Variants in ATPAF1 observed in about 807,000 individuals in gnomAD.
ATPAF1 encodes the protein ATP synthase mitochondrial F1 complex assembly factor 1, also known as homolog of yeast ATP11.
Under a neutral mutation model 43.9 loss-of-function variants are expected in ATPAF1, and 26 were observed. The observed-to-expected ratio is 0.59, with a 90% CI of 0.43 to 0.82. The LOEUF (loss-of-function observed/expected upper bound fraction) is 0.82. Among genes scored for constraint, ATPAF1 ranks in the 40% least tolerant of loss-of-function variants. The probability of loss-of-function intolerance (pLI) is 0.00; values close to 1 mark genes in which losing one functional copy is unlikely to be tolerated. For missense variants in ATPAF1, 366 were observed against 435.0 expected (o/e 0.84, Z 1.41); for synonymous variants, 157 against 168.0 (o/e 0.93, Z 0.50).
At chr1:46,667,045 A>C (rs1427983233) in intron 1 of ATPAF1, among the ~76,000 whole-genome samples, 8 of 152,194 alleles carry the variant, frequency 5.3e-5, no homozygotes, top group Non-Finnish European at 1.2e-4. Context: ...AGACTATCTC[A>C]ATGCTGCTGG....
In ATPAF1 at chr1:46,659,363, C is replaced by T. The variant is rs571880170; in HGVS notation, c.376-626G>A. Among the ~76,000 whole-genome samples, 3 of 143,192 alleles carry T rather than the reference C, an allele frequency of 2.1e-5. No homozygotes were observed. The South Asian group carries it at 6.5e-4, about 31-fold the overall frequency. The allele number at this position is 143,192 out of a possible 152,430, so 93.9% of individuals were successfully genotyped here. A position where few individuals can be genotyped will look rare whatever the true frequency, so the allele number is the denominator to read the frequency against. On this transcript the variant is annotated intron_variant, in intron 2 of 8. Transcript: ENST00000574428. ...CTGCCACTGTGGATATGAGGGATTT[C>T]TTCCCAGAATTAGGCCTGCTTGGGA...
intron 6 of ATPAF1, among the ~76,000 whole-genome samples, chr1:46,649,894 C>T (rs1307343369): frequency 6.6e-6 from 1 of 152,076 alleles, no homozygotes; most frequent in East Asian, 1.9e-4. Context: ...CCACTGCACT[C>T]CAGCCTGGGC....
At chr1:46,656,504 C>T (rs1230365261) in intron 4 of ATPAF1, among the ~76,000 whole-genome samples, 5 of 152,098 alleles carry the variant, frequency 3.3e-5, no homozygotes, top group Non-Finnish European at 1.5e-5. Context: ...TCTTTTTTTG[C>T]ATGTCAAAAC....
chr1:46,656,819 G>A (rs1185215079), intron 4 of ATPAF1, among the ~76,000 whole-genome samples: 1 of 152,158 alleles, frequency 6.6e-6, no homozygotes, highest in Non-Finnish European at 1.5e-5. Context: ...CTGACACTTT[G>A]CATATGCCTC....
At chr1:46,658,069 A>G (rs1291625013) in intron 4 of ATPAF1, 58 bp downstream of exon 4, 4 of 1,505,248 alleles carry the variant, frequency 2.7e-6, no homozygotes, top group Non-Finnish European at 3.7e-6. Flanking sequence ...GTACTTTCAG[A>G]TTTGGTTCAC....
At chr1:46,640,385 C>T (rs560026127) in intron 8 of ATPAF1, among the ~76,000 whole-genome samples, 1 of 152,180 alleles carries the variant, frequency 6.6e-6, no homozygotes, top group South Asian at 2.1e-4. Flanking sequence ...CGAGGTGGGT[C>T]GATTACCTGA....
At chr1:46,635,665 T>A in exon 9 of ATPAF1, 1 of 1,071,286 alleles carries the variant, frequency 9.3e-7, no homozygotes. Flanking sequence ...ATAGGGCAAC[T>A]CATTACCAAC....
intron 6 of ATPAF1, 87 bp downstream of exon 6, chr1:46,652,494 G>GT: frequency 2.3e-5 from 30 of 1,326,428 alleles, no homozygotes; most frequent in Non-Finnish European, 2.8e-5. Flanking sequence ...TAACATGTGA[G>GT]ACAGTATGGA....
chr1:46,657,742 T>C (rs1676299295), intron 4 of ATPAF1, among the ~76,000 whole-genome samples: 1 of 152,112 alleles, frequency 6.6e-6, no homozygotes, highest in Non-Finnish European at 1.5e-5. Flanking sequence ...TTTAAACCAA[T>C]ACACTATACT....
intron 6 of ATPAF1, among the ~76,000 whole-genome samples, chr1:46,651,152 C>T (rs1676160074): frequency 6.6e-6 from 1 of 151,892 alleles, no homozygotes; most frequent in African/African-American, 2.4e-5. Context: ...CTCCCCACTC[C>T]CCCCACCCCA....
chr1:46,658,212 A>G lies in ATPAF1; in HGVS notation c.427-23T>C, dbSNP rs747154719. On this transcript the variant is annotated intron_variant, in intron 3 of 8. Coordinates refer to ENST00000574428, the Ensembl canonical transcript of ATPAF1. The stretch of plus-strand genomic sequence containing the variant: ...AGTCTTGAAAGAGACAATAAAAAGC[A>G]ATTAACACATAATTAAAAAAAAAAA... 1.9e-6 allele frequency: 3 copies of G among 1,541,072 alleles called. No homozygotes were observed. In the South Asian group the frequency reaches 3.6e-5, roughly 18 times the overall value.
At chr1:46,638,734 A>G (rs1414315514) in intron 8 of ATPAF1, among the ~76,000 whole-genome samples, 1 of 151,192 alleles carries the variant, frequency 6.6e-6, no homozygotes, top group Non-Finnish European at 1.5e-5. Flanking sequence ...GGCAACCCCC[A>G]CCAGCCCTTA....
intron 1 of ATPAF1, 78 bp downstream of exon 1, chr1:46,667,979 G>T: frequency 8.4e-7 from 1 of 1,188,756 alleles, no homozygotes. Context: ...CCACCTCACA[G>T]GGCTGTCCTA....
At chr1:46,635,766 C>T (rs1042754527) in exon 9 of ATPAF1, 3 of 1,609,326 alleles carry the variant, frequency 1.9e-6, no homozygotes, top group African/African-American at 2.7e-5. Flanking sequence ...AAGGGCCAAC[C>T]TGTACAGTTC....
At chr1:46,643,173 G>A (rs1675979723) in intron 8 of ATPAF1, 21 bp downstream of exon 8, 12 of 1,588,542 alleles carry the variant, frequency 7.6e-6, no homozygotes, top group Middle Eastern at 1.7e-4. Context: ...AATCCAAAGA[G>A]TTTTGCAAGT....
intron 8 of ATPAF1, among the ~76,000 whole-genome samples, chr1:46,637,793 G>A (rs1675869788): frequency 6.6e-6 from 1 of 152,084 alleles, no homozygotes; most frequent in South Asian, 2.1e-4. Flanking sequence ...GAGCTAGAAG[G>A]GACCTCAGAG....
downstream of ATPAF1, chr1:46,633,442 G>T: frequency 4.5e-6 from 1 of 224,090 alleles, no homozygotes; most frequent in Non-Finnish European, 8.8e-6. Context: ...AAATTAGATA[G>T]TTTAAGCAAT....
intron 3 of ATPAF1, 31 bp downstream of exon 3, chr1:46,658,656 C>T (rs1413552740): frequency 3.9e-6 from 6 of 1,555,970 alleles, no homozygotes; most frequent in Non-Finnish European, 5.2e-6. Context: ...TGACTTCAAG[C>T]TTTTTTTCCT....
chr1:46,668,351 G>A lies in ATPAF1; in HGVS notation c.-29C>T, dbSNP rs751966398. 2.3e-6 allele frequency: 3 copies of A among 1,326,198 alleles called. No individual in the cohort carries two copies. Among genetic ancestry groups the A allele is most frequent in the East Asian group, 6.8e-5 (2 of 29,500 alleles). 82.2% of individuals were successfully genotyped at this position (1,326,198 alleles called of 1,614,324 possible). ...CGCCCCCGCCTCCTCCTCCTCCTCA[G>A]GCGCGTCGGCCTCGGCCCGCGGCCC... On this transcript the variant is annotated 5_prime_UTR_variant, in exon 1 of 9. Coordinates refer to ENST00000574428, the Ensembl canonical transcript of ATPAF1. This position sits in a 1 kb window ranked among gnomAD's most constrained non-coding sequence, Gnocchi z 4.4.
Sources: gnomAD v4.1 joint callset for allele counts (sites outside exome capture counted in the v4.1 genomes callset) on GRCh38, gnomAD v4.1.1 for gene constraint, Gnocchi (gnomAD v3.1) non-coding constraint, MANE v1.5 for transcripts, NCBI Gene and HGNC (gene_info 2026-07-23, HGNC 2026-07-21) for gene names.